FAM91A1: variants seen among roughly 807,000 people sequenced by gnomAD.
FAM91A1 encodes family with sequence similarity 91 member A1, also known as protein FAM91A1.
Under a neutral mutation model 113.5 loss-of-function variants are expected in FAM91A1, and 41 were observed. That is an observed-to-expected ratio of 0.36 (90% CI 0.28 to 0.47). The LOEUF (loss-of-function observed/expected upper bound fraction) is 0.47. Ranked by LOEUF, FAM91A1 falls within the 20% of genes least tolerant of loss-of-function variation. The probability of loss-of-function intolerance (pLI) is 1.00; values close to 1 mark genes in which losing one functional copy is unlikely to be tolerated. For synonymous variants in FAM91A1, 307 were observed against 347.9 expected (o/e 0.88, Z 1.31); for missense variants, 696 against 1,001.2 (o/e 0.70, Z 4.11).
chr8:123,787,240 T>G (rs142109856), intron 12 of FAM91A1, 21 bp from the exon 13 acceptor site: 221 of 1,547,780 alleles, frequency 1.4e-4, no homozygotes, highest in East Asian at 5.4e-4. Context: ...TTACTTGATT[T>G]TAAATTATGG....
chr8:123,806,544 G>A (rs184743691), intron 20 of FAM91A1, among the ~76,000 whole-genome samples: 9 of 152,266 alleles, frequency 5.9e-5, no homozygotes, highest in African/African-American at 1.9e-4. Context: ...TTATACAAGT[G>A]TTTCCAAAAT....
intron 16 of FAM91A1, among the ~76,000 whole-genome samples, chr8:123,798,684 T>A (rs957000189): frequency 2.6e-5 from 4 of 152,168 alleles, no homozygotes; most frequent in Non-Finnish European, 2.9e-5. Context: ...ACTTAAAAAA[T>A]ATATATATAT....
At chr8:123,785,224 G>A in intron 10 of FAM91A1, 105 bp downstream of exon 10, 1 of 971,404 alleles carries the variant, frequency 1.0e-6, no homozygotes, top group South Asian at 1.7e-5. Context: ...CATTGAGATT[G>A]TTGTTAGCTG....
intron 11 of FAM91A1, chr8:123,786,056 T>G (rs1815250120): frequency 2.7e-6 from 1 of 377,310 alleles, no homozygotes; most frequent in African/African-American, 2.2e-5. Flanking sequence ...TGGCCCCAAC[T>G]GATCCACCCA....
chr8:123,774,297 TC>T, intron 2 of FAM91A1, 133 bp downstream of exon 2: 2 of 584,514 alleles, frequency 3.4e-6, no homozygotes, highest in Non-Finnish European at 2.8e-6. Context: ...TCTACACTGA[TC>T]CATTCCACCT....
intron 15 of FAM91A1, 96 bp downstream of exon 15, chr8:123,789,841 CG>C: frequency 7.2e-7 from 1 of 1,398,288 alleles, no homozygotes; most frequent in Non-Finnish European, 9.6e-7. Context: ...TCATCACTTA[CG>C]TATTTTGTGT....
intron 21 of FAM91A1, 36 bp from the exon 22 acceptor site, chr8:123,808,857 T>C: frequency 6.4e-7 from 1 of 1,561,484 alleles, no homozygotes; most frequent in Non-Finnish European, 8.7e-7. Context: ...AGTAGATATA[T>C]ATGATAAAAA....
chr8:123,786,835 T>C (rs557528970), intron 12 of FAM91A1, among the ~76,000 whole-genome samples: 1 of 152,326 alleles, frequency 6.6e-6, no homozygotes, highest in East Asian at 1.9e-4. Context: ...GAGAAGGGAA[T>C]GTGACCAAAC....
chr8:123,790,159 C>T (rs534294957), intron 15 of FAM91A1, among the ~76,000 whole-genome samples: 64 of 152,218 alleles, frequency 4.2e-4, no homozygotes, highest in African/African-American at 1.4e-3. Context: ...AATGCTACTG[C>T]AATACTTACC....
rs746599416 is a variant in FAM91A1 at position 123,779,950 on chromosome 8, A to G, written c.550-35A>G. Reference sequence around the variant, plus strand: ...GAGACTTGTGAATTAGTTAATTTGGACAGAACTTAATTAAAAATATTTTGC... The same window carrying G: ...GAGACTTGTGAATTAGTTAATTTGGGCAGAACTTAATTAAAAATATTTTGC... On this transcript the variant is annotated intron_variant, in intron 6 of 23. Transcript: ENST00000334705. 6 of 1,569,874 alleles carry G rather than the reference A, an allele frequency of 3.8e-6. No individual in the cohort carries two copies. In the South Asian group the frequency reaches 5.6e-5, roughly 15 times the overall value.
intron 14 of FAM91A1, chr8:123,788,276 C>G (rs1328123195): frequency 6.2e-6 from 6 of 972,990 alleles, no homozygotes; most frequent in Non-Finnish European, 7.3e-6. Flanking sequence ...TTCCTTAGCT[C>G]TAAATAAATC....
intron 14 of FAM91A1, chr8:123,788,385 C>A: frequency 2.7e-6 from 1 of 372,874 alleles, no homozygotes; most frequent in South Asian, 1.1e-4. Flanking sequence ...TTGACTAATA[C>A]TTTTCGTGCC....
chr8:123,811,010 A>G (rs1333011675), intron 23 of FAM91A1: 1 of 152,388 alleles, frequency 6.6e-6, no homozygotes, highest in Non-Finnish European at 1.5e-5. Context: ...TATAAGTTCT[A>G]AAAGATTTTA....
At position 123,815,278 on chromosome 8, in the gene FAM91A1, T is replaced by A. The variant is rs983432452; in HGVS notation, c.*2574T>A. ...TCTTTTTTGTGTTCAGTGTTTCAAATACAATTTGTATTTAAGGATTTTAAA... is the reference window on the plus strand; with the variant it reads ...TCTTTTTTGTGTTCAGTGTTTCAAAAACAATTTGTATTTAAGGATTTTAAA... On this transcript the variant is annotated 3_prime_UTR_variant, in exon 24 of 24. Coordinates refer to ENST00000334705, the MANE Select transcript of FAM91A1 (RefSeq NM_144963.4). The A allele has an allele frequency of 6.6e-6, 1 of 152,602 alleles. No individual in the cohort carries two copies. Among genetic ancestry groups the A allele is most frequent in the African/African-American group, 2.4e-5 (1 of 41,464 alleles). The allele number at this position is 152,602 out of a possible 1,614,324, so 9.5% of individuals were successfully genotyped here.
Position 123,799,591 on chromosome 8 carries a change from A to G in FAM91A1, c.1632A>G (p.Gln544=). 1.2e-6 allele frequency: 2 copies of G among 1,614,156 alleles called. No individual in the cohort carries two copies. Among genetic ancestry groups the G allele is most frequent in the Non-Finnish European group, 1.7e-6 (2 of 1,180,008 alleles). Residue 544 remains glutamine (Q), a synonymous_variant, in exon 17 of 24, where the codon CAA becomes CAG. Coordinates refer to ENST00000334705, the MANE Select transcript of FAM91A1 (RefSeq NM_144963.4). ...FKLYIYHVTG[Q]GPPSLLLSKG... Reference sequence around the variant, plus strand: ...TGTACATTTATCATGTCACTGGACAAGGACCACCATCCCTTTTATTGTCCA... The same window carrying G: ...TGTACATTTATCATGTCACTGGACAGGGACCACCATCCCTTTTATTGTCCA...
chr8:123,812,551 G>T lies in FAM91A1; in HGVS notation c.2364G>T (p.Glu788Asp), dbSNP rs559570553. Reference sequence around the variant, plus strand: ...CTTCAATATTGGATATTCACACAGAGCCCAGTTTTTCAAGTTTGCTTTCAC... The same window carrying T: ...CTTCAATATTGGATATTCACACAGATCCCAGTTTTTCAAGTTTGCTTTCAC... ...EGASILDIHTEPSFSSLLSQS... is the reference protein window; with the variant it reads ...EGASILDIHTDPSFSSLLSQS... The change falls in exon 24 of 24, where the codon GAG becomes GAT. Residue 788 changes from glutamate to aspartate, a missense_variant. Coordinates refer to ENST00000334705, the MANE Select transcript of FAM91A1 (RefSeq NM_144963.4). 552 of 1,593,818 alleles carry T rather than the reference G, an allele frequency of 3.5e-4. 9 individuals are homozygous for T. In the South Asian group the frequency reaches 5.8e-3, roughly 17 times the overall value.
rs1236111768 is a variant in FAM91A1, at chr8:123,815,285, T to C, written c.*2581T>C. 2 of 152,710 alleles carry C rather than the reference T, an allele frequency of 1.3e-5. No homozygotes were observed. The highest frequency in any genetic ancestry group is 2.1e-4 in the South Asian group (1 of 4,832). The allele number at this position is 152,710 out of a possible 1,614,324, so 9.5% of individuals were successfully genotyped here. A position where few individuals can be genotyped will look rare whatever the true frequency, so the allele number is the denominator to read the frequency against. On this transcript the variant is annotated 3_prime_UTR_variant, in exon 24 of 24. Coordinates refer to ENST00000334705, the MANE Select transcript of FAM91A1 (RefSeq NM_144963.4). ...TGTGTTCAGTGTTTCAAATACAATT[T>C]GTATTTAAGGATTTTAAAATACCAA...
intron 23 of FAM91A1, 42 bp downstream of exon 23, chr8:123,810,393 T>G: frequency 6.5e-7 from 1 of 1,536,720 alleles, no homozygotes; most frequent in Non-Finnish European, 9.0e-7. Flanking sequence ...TGTACTGAGC[T>G]TTAAGTATGC....
Position 123,808,155 on chromosome 8 carries a change from A to G in FAM91A1, c.2033-117A>G, listed in dbSNP as rs1815856986. The G allele has an allele frequency of 5.0e-6, 4 of 795,534 alleles. No homozygotes were observed. The South Asian group carries it at 6.2e-5, about 12-fold the overall frequency. 49.3% of individuals were successfully genotyped at this position (795,534 alleles called of 1,614,324 possible). On this transcript the variant is annotated intron_variant, in intron 20 of 23. Coordinates refer to ENST00000334705, the MANE Select transcript of FAM91A1 (RefSeq NM_144963.4). ...CACTTATTTAAGCCAAGGATTATGC[A>G]TTTTCTTTCTGTCATCATTACTATT...
Sources: allele counts gnomAD v4.1 joint callset (sites outside exome capture counted in the v4.1 genomes callset), GRCh38; gene constraint gnomAD v4.1.1; transcripts MANE v1.5; gene names NCBI Gene and HGNC (gene_info 2026-07-23, HGNC 2026-07-21).